The following JCAD variants were observed in gnomAD, a reference collection of about 807,000 sequenced individuals.
JCAD encodes junctional cadherin 5 associated.
In JCAD, 40 loss-of-function variants were observed where a neutral mutation model predicts 98.0. That is an observed-to-expected ratio of 0.41 (90% CI 0.32 to 0.53). The LOEUF is 0.53. Ranked by LOEUF, JCAD falls within the 20% of genes least tolerant of loss-of-function variation. The pLI is 0.31. For missense variants in JCAD, 1,705 were observed against 1,738.1 expected, an observed-to-expected ratio of 0.98 and a Z score of 0.34; for synonymous variants, 691 against 682.3, an observed-to-expected ratio of 1.01 and a Z score of -0.20.
Position 30,027,293 on chromosome 10 carries a change from G to C in JCAD, c.2855C>G (p.Thr952Arg), listed in dbSNP as rs1256186663. 6.2e-7 allele frequency: 1 copy of C among 1,614,064 alleles called. No homozygotes were observed. The highest frequency in any genetic ancestry group is 8.5e-7 in the Non-Finnish European group (1 of 1,180,030). ...GAPFCSADGS[T>R]SAEKRHLEVS... ...CTCCAGGTGTCTCTTCTCTGCACTC[G>C]TGCTTCCATCTGCTGAGCAGAAAGG... The change falls in exon 3 of 4, where the codon ACG becomes AGG. Residue 952 changes from threonine to arginine, a missense_variant. Thr to Arg is a moderately conservative substitution (Grantham distance 71, BLOSUM62 -1). Coordinates refer to ENST00000375377, the MANE Select transcript of JCAD (RefSeq NM_020848.4).
chr10:30,035,191 G>A (rs1307001109), intron 2 of JCAD, among the ~76,000 whole-genome samples: 4 of 152,204 alleles, frequency 2.6e-5, no homozygotes, highest in Non-Finnish European at 5.9e-5. Context: ...CAAACAGCCT[G>A]TCACTTCCTA....
intron 1 of JCAD, among the ~76,000 whole-genome samples, chr10:30,084,452 T>G (rs1297212988): frequency 6.6e-6 from 1 of 152,188 alleles, no homozygotes; most frequent in African/African-American, 2.4e-5. Flanking sequence ...TTTAAATTGG[T>G]AGACTTGAGT....
rs559368561 is a variant in JCAD, at chr10:30,091,842, G to A, written n.129-22021C>T. On this transcript the variant is annotated intron_variant and non_coding_transcript_variant, in intron 1 of 2. Coordinates refer to the JCAD transcript ENST00000465712. ...AGTTCAAGAGCAGCCTGGCCAAAAT[G>A]GCAAAACCCTGTCTCTACTAAATAA... is the stretch of plus-strand genomic sequence containing the variant. 2.1e-5 allele frequency among the ~76,000 whole-genome samples: 3 copies of A among 145,186 alleles called. No individual in the cohort carries two copies. In the East Asian group the frequency reaches 6.1e-4, roughly 29 times the overall value.
intron 2 of JCAD, among the ~76,000 whole-genome samples, chr10:30,030,729 A>G (rs905649889): frequency 6.6e-6 from 1 of 152,090 alleles, no homozygotes; most frequent in East Asian, 1.9e-4. Context: ...ATAATCTGCA[A>G]GTTCCCAGAT....
At chr10:30,036,883 CTGCTTTCCAT>C (rs1837122943) in intron 2 of JCAD, among the ~76,000 whole-genome samples, 1 of 152,246 alleles carries the variant, frequency 6.6e-6, no homozygotes, top group African/African-American at 2.4e-5. Context: ...CAGATGCCTG[CTGCTTTCCAT>C]TGCTTTCCAA....
intron 2 of JCAD, among the ~76,000 whole-genome samples, chr10:30,066,836 C>T (rs926812034): frequency 6.6e-6 from 1 of 152,058 alleles, no homozygotes; most frequent in Non-Finnish European, 1.5e-5. Context: ...GCCTGGCCAA[C>T]ATGGTGAAAT....
chr10:30,045,115 C>T (rs1026394233), intron 2 of JCAD, among the ~76,000 whole-genome samples: 3 of 152,174 alleles, frequency 2.0e-5, no homozygotes, highest in Admixed American at 6.5e-5. Flanking sequence ...ACAAAGGCAG[C>T]TTGCAGATCT....
Position 30,028,883 on chromosome 10 carries a change from T to G in JCAD, c.1265A>C (p.Gln422Pro). ...RPVTAYDGFV[Q>P]YIPFDDPRLR... The stretch of plus-strand genomic sequence containing the variant: ...CCGTGGATCATCAAAGGGAATGTAC[T>G]GAACGAAGCCGTCATAGGCAGTGAC... Residue 422 changes from glutamine to proline, a missense_variant, in exon 3 of 4, where the codon CAG becomes CCG. Gln to Pro is a moderately conservative substitution (Grantham distance 76). Transcript: ENST00000375377. 3.1e-6 allele frequency: 5 copies of G among 1,614,202 alleles called. No homozygotes were observed. Among genetic ancestry groups the G allele is most frequent in the Non-Finnish European group, 4.2e-6 (5 of 1,180,030 alleles).
intron 2 of JCAD, among the ~76,000 whole-genome samples, chr10:30,069,200 C>A (rs541202850): frequency 6.6e-6 from 1 of 152,042 alleles, no homozygotes; most frequent in Non-Finnish European, 1.5e-5. Context: ...TGGAAATGGT[C>A]GCTTCGGCTC....
upstream of JCAD, among the ~76,000 whole-genome samples, chr10:30,063,375 G>C (rs1837731950): frequency 6.6e-6 from 1 of 151,788 alleles, no homozygotes; most frequent in African/African-American, 2.4e-5. Context: ...GCAGTAACCA[G>C]AAAAATAATG....
At chr10:30,107,312 C>T (rs1022400564) in intron 1 of JCAD, among the ~76,000 whole-genome samples, 1 of 152,258 alleles carries the variant, frequency 6.6e-6, no homozygotes, top group Admixed American at 6.5e-5. Flanking sequence ...AGCCAGAACC[C>T]GCCAAAACCA....
chr10:30,059,897 C>T (rs1837669296), upstream of JCAD, among the ~76,000 whole-genome samples: 1 of 152,140 alleles, frequency 6.6e-6, no homozygotes, highest in Admixed American at 6.5e-5. The surrounding 1 kb of genome is among the most constrained non-coding windows in gnomAD (Gnocchi z 5.0). Context: ...TATACACCCA[C>T]ACACAGATGC....
At chr10:30,073,833 G>A in intron 1 of JCAD, among the ~76,000 whole-genome samples, 1 of 150,932 alleles carries the variant, frequency 6.6e-6, no homozygotes, top group Non-Finnish European at 1.5e-5. Flanking sequence ...TAAAACTATT[G>A]AAACACACAA....
At chr10:30,093,825 T>C (rs956809777) in intron 1 of JCAD, among the ~76,000 whole-genome samples, 2 of 152,214 alleles carry the variant, frequency 1.3e-5, no homozygotes, top group African/African-American at 4.8e-5. Context: ...AGTAAGTATT[T>C]GCAGATCCAA....
At chr10:30,099,900 C>T (rs1391619108) in intron 1 of JCAD, among the ~76,000 whole-genome samples, 1 of 152,158 alleles carries the variant, frequency 6.6e-6, no homozygotes, top group Non-Finnish European at 1.5e-5. Context: ...CACTCTAACT[C>T]ATTCCGATTA....
intron 1 of JCAD, among the ~76,000 whole-genome samples, chr10:30,092,380 T>C (rs1331645707): frequency 2.0e-5 from 3 of 151,890 alleles, no homozygotes; most frequent in African/African-American, 7.3e-5. Flanking sequence ...TCCTGGCTTA[T>C]GCTGGTAGAC....
intron 1 of JCAD, among the ~76,000 whole-genome samples, chr10:30,076,992 G>T (rs1837993480): frequency 6.6e-6 from 1 of 152,138 alleles, no homozygotes; most frequent in African/African-American, 2.4e-5. Context: ...GCAGAAAAAT[G>T]GACACATATT....
At chr10:30,083,790 G>T (rs953193247) in intron 1 of JCAD, among the ~76,000 whole-genome samples, 1 of 152,114 alleles carries the variant, frequency 6.6e-6, no homozygotes, top group African/African-American at 2.4e-5. Flanking sequence ...AGTTTGAGAG[G>T]CCAAGGCAAA....
At chr10:30,019,941 A>AG (rs200892058) in intron 3 of JCAD, among the ~76,000 whole-genome samples, 1 of 151,982 alleles carries the variant, frequency 6.6e-6, no homozygotes, top group African/African-American at 2.4e-5. Context: ...AAAAAGAAAA[A>AG]GGAAAAAAAA....
Sources: gnomAD v4.1 joint callset for allele counts (sites outside exome capture counted in the v4.1 genomes callset) on GRCh38, gnomAD v4.1.1 for gene constraint, Gnocchi (gnomAD v3.1) non-coding constraint, MANE v1.5 for transcripts, NCBI Gene and HGNC (gene_info 2026-07-23, HGNC 2026-07-21) for gene names.